SH3KBP1: variants seen among roughly 807,000 people sequenced by gnomAD.
SH3KBP1 encodes SH3 domain-containing kinase-binding protein 1.
SH3KBP1 carries 8 observed loss-of-function variants against 50.1 expected under a neutral mutation model. The ratio of observed to expected loss-of-function variants is 0.16; its 90% CI spans 0.09 to 0.29. The LOEUF (loss-of-function observed/expected upper bound fraction) is 0.29. Ranked by LOEUF, SH3KBP1 falls within the 10% of genes least tolerant of loss-of-function variation. The pLI is 1.00. For missense variants in SH3KBP1, 377 were observed against 535.2 expected (o/e 0.70, Z 2.92); for synonymous variants, 227 against 218.6 (o/e 1.04, Z -0.34).
chrX:19,887,212 C>T (rs1236940275), intron 1 of SH3KBP1, 95 bp downstream of exon 1: 3 of 783,937 alleles, frequency 3.8e-6, no homozygotes, highest in Non-Finnish European at 3.2e-6. Flanking sequence ...CCGGACCCTG[C>T]CCCCGGGGCG....
chrX:19,542,702 AG>A (rs781520057), intron 15 of SH3KBP1, among the ~76,000 whole-genome samples: 6 of 111,918 alleles, frequency 5.4e-5, no homozygotes, highest in Middle Eastern at 4.2e-3. Flanking sequence ...CCCGTCTTGG[AG>A]GAGGACCAAG....
At chrX:19,718,253 A>G (rs1230347822) in intron 3 of SH3KBP1, among the ~76,000 whole-genome samples, 2 of 111,595 alleles carry the variant, frequency 1.8e-5, no homozygotes, top group Non-Finnish European at 3.8e-5. Context: ...TATACATTCA[A>G]CAAATGTTCA....
intron 9 of SH3KBP1, among the ~76,000 whole-genome samples, chrX:19,604,501 C>T (rs1364934487): frequency 8.9e-6 from 1 of 112,083 alleles, no homozygotes; most frequent in Non-Finnish European, 1.9e-5. Context: ...ATGCCGTTTG[C>T]TTCTGTCTAC....
At chrX:19,774,657 AG>A (rs749898581) in intron 2 of SH3KBP1, among the ~76,000 whole-genome samples, 14,538 of 54,834 alleles carry the variant, frequency 0.27, 1,167 homozygotes, top group African/African-American at 0.51. Flanking sequence ...TCAAAAAAAA[AG>A]AAAGAAAGAA....
At chrX:19,886,709 C>G (rs915978635) in intron 1 of SH3KBP1, among the ~76,000 whole-genome samples, 11 of 110,902 alleles carry the variant, frequency 9.9e-5, no homozygotes, top group Admixed American at 8.5e-4. Flanking sequence ...GCGAAAGGGT[C>G]GGGGCCGGGA....
chrX:19,678,832 G>A (rs1243190653), intron 6 of SH3KBP1, among the ~76,000 whole-genome samples: 1 of 111,125 alleles, frequency 9.0e-6, no homozygotes, highest in Non-Finnish European at 1.9e-5. Context: ...CCACCTATCT[G>A]ATCGTGTCAC....
intron 6 of SH3KBP1, among the ~76,000 whole-genome samples, chrX:19,646,388 C>T (rs1363966797): frequency 1.8e-5 from 2 of 111,781 alleles, no homozygotes; most frequent in Non-Finnish European, 3.8e-5. Context: ...GTTCCCAAGG[C>T]GAGGTCTGTT....
chrX:19,760,838 A>ATTGTT (rs1224710898), intron 2 of SH3KBP1, among the ~76,000 whole-genome samples: 6 of 110,811 alleles, frequency 5.4e-5, no homozygotes, highest in Non-Finnish European at 1.1e-4. Flanking sequence ...GACATGGGCC[A>ATTGTT]GGGGCTAAGA....
intron 3 of SH3KBP1, among the ~76,000 whole-genome samples, chrX:19,744,051 A>G: frequency 8.9e-6 from 1 of 112,064 alleles, no homozygotes. Context: ...TAAATCCTGA[A>G]AGCAACTTCC....
intron 1 of SH3KBP1, among the ~76,000 whole-genome samples, chrX:19,863,149 G>A (rs1410795798): frequency 8.9e-6 from 1 of 111,942 alleles, no homozygotes; most frequent in East Asian, 2.8e-4. Flanking sequence ...AAAGGGGCCC[G>A]GCCAGAGGGC....
intron 16 of SH3KBP1, among the ~76,000 whole-genome samples, chrX:19,538,583 AT>A (rs1389785177): frequency 9.7e-6 from 1 of 102,651 alleles, no homozygotes; most frequent in African/African-American, 3.6e-5. Context: ...TTATTTATTT[AT>A]TTTTATTATT....
At chrX:19,650,347 T>G (rs2062092787) in intron 6 of SH3KBP1, among the ~76,000 whole-genome samples, 1 of 112,199 alleles carries the variant, frequency 8.9e-6, no homozygotes, top group South Asian at 3.7e-4. Flanking sequence ...TCAGCAAACT[T>G]ACAATCATGG....
At chrX:19,769,245 C>T (rs1029616944) in intron 2 of SH3KBP1, among the ~76,000 whole-genome samples, 3 of 101,199 alleles carry the variant, frequency 3.0e-5, no homozygotes, top group Non-Finnish European at 5.9e-5. Flanking sequence ...CCACCATGCC[C>T]GGCTAATTTT....
intron 2 of SH3KBP1, among the ~76,000 whole-genome samples, chrX:19,766,466 G>C (rs2065610161): frequency 1.6e-5 from 1 of 64,358 alleles, no homozygotes; most frequent in Non-Finnish European, 2.9e-5. Context: ...ATTGCACTTT[G>C]AGTCTGTTGA....
intron 3 of SH3KBP1, among the ~76,000 whole-genome samples, chrX:19,724,823 G>A (rs949624333): frequency 5.4e-5 from 6 of 111,996 alleles, no homozygotes; most frequent in Non-Finnish European, 9.4e-5. Flanking sequence ...CACCTTCCCT[G>A]ACTGCTTTTG....
intron 8 of SH3KBP1, among the ~76,000 whole-genome samples, chrX:19,612,084 T>C (rs962388024): frequency 1.1e-4 from 12 of 110,540 alleles, no homozygotes; most frequent in Non-Finnish European, 2.3e-4. Flanking sequence ...AGGCATTTTT[T>C]TCCCCCAGCA....
intron 2 of SH3KBP1, among the ~76,000 whole-genome samples, chrX:19,752,923 T>C (rs1032578143): frequency 1.8e-5 from 2 of 111,333 alleles, no homozygotes; most frequent in Admixed American, 9.5e-5. Flanking sequence ...CCCTATGGAG[T>C]AGGTGAGCCA....
chrX:19,613,460 A>C (rs2067495104), intron 8 of SH3KBP1, among the ~76,000 whole-genome samples: 1 of 112,193 alleles, frequency 8.9e-6, no homozygotes, highest in African/African-American at 3.2e-5. Flanking sequence ...GCATGAACTC[A>C]GGGGAAAGTA....
chrX:19,819,210 C>A (rs914642376), intron 2 of SH3KBP1, among the ~76,000 whole-genome samples: 1 of 112,024 alleles, frequency 8.9e-6, no homozygotes, highest in African/African-American at 3.2e-5. Context: ...ATTTAGTATT[C>A]GCTTATTGTC....
Sources: gnomAD v4.1 joint callset for allele counts (sites outside exome capture counted in the v4.1 genomes callset) on GRCh38, gnomAD v4.1.1 for gene constraint, MANE v1.5 for transcripts, NCBI Gene and HGNC (gene_info 2026-07-23, HGNC 2026-07-21) for gene names.